CC2D1B: variants seen among roughly 807,000 people sequenced by gnomAD.
CC2D1B encodes coiled-coil and C2 domain-containing protein 1B.
Under a neutral mutation model 110.8 loss-of-function variants are expected in CC2D1B, and 92 were observed. That is an observed-to-expected ratio of 0.83 (90% CI 0.70 to 0.99). The LOEUF is 0.99. Among genes scored for constraint, CC2D1B ranks in the 50% least tolerant of loss-of-function variants. CC2D1B has a pLI of 0.00. For synonymous variants in CC2D1B, 406 were observed against 429.2 expected (o/e 0.95, Z 0.67); for missense variants, 1,136 against 1,089.0 (o/e 1.04, Z -0.61).
chr1:52,366,188 G>C lies in CC2D1B; in HGVS notation c.-134C>G, dbSNP rs1277239808. 1 of 152,316 alleles carries C rather than the reference G, an allele frequency of 6.6e-6. No individual in the cohort carries two copies. Among genetic ancestry groups the C allele is most frequent in the Non-Finnish European group, 1.5e-5 (1 of 68,112 alleles). The allele number at this position is 152,316 out of a possible 1,614,324, so 9.4% of individuals were successfully genotyped here. A position where few individuals can be genotyped will look rare whatever the true frequency, so the allele number is the denominator to read the frequency against. The stretch of plus-strand genomic sequence containing the variant: ...CGCCAGCAGGGGAGGTGGCTCGCGC[G>C]CAACACGTGACCCCACTGGCCGGCG... On this transcript the variant is annotated 5_prime_UTR_variant, in exon 1 of 25. Coordinates refer to ENST00000284376, the MANE Select transcript of CC2D1B (RefSeq NM_001330585.2).
chr1:52,360,304 G>A, intron 6 of CC2D1B, 71 bp from the exon 7 acceptor site: 4 of 1,600,470 alleles, frequency 2.5e-6, no homozygotes, highest in Non-Finnish European at 3.4e-6. Context: ...GACAGGCCAG[G>A]GGTGGCCCCC....
intron 5 of CC2D1B, 30 bp from the exon 6 acceptor site, chr1:52,360,579 A>G: frequency 3.7e-6 from 6 of 1,605,516 alleles, no homozygotes; most frequent in Non-Finnish European, 4.3e-6. Flanking sequence ...GGGCCTGGCC[A>G]CTCCAGGGCC....
chr1:52,356,970 G>C (rs1646666057), intron 16 of CC2D1B, 31 bp downstream of exon 16: 1 of 1,543,776 alleles, frequency 6.5e-7, no homozygotes, highest in Non-Finnish European at 8.7e-7. Flanking sequence ...TGTGGGCACA[G>C]AGGGGAGGAA....
chr1:52,355,952 G>A (rs1646642416), intron 18 of CC2D1B, 108 bp from the exon 19 acceptor site: 2 of 1,154,576 alleles, frequency 1.7e-6, no homozygotes, highest in African/African-American at 3.0e-5. Context: ...CGGGAGGGAA[G>A]GCAGAGCTGG....
At position 52,361,138 on chromosome 1, in the gene CC2D1B, G is replaced by A; in HGVS notation, c.319-6C>T. The A allele has an allele frequency of 6.2e-7, 1 of 1,613,970 alleles. No homozygotes were observed. Among genetic ancestry groups the A allele is most frequent in the East Asian group, 2.2e-5 (1 of 44,866 alleles). ...AAGACCTCCTGCAGCTCCGTCTAGG[G>A]AGACAAAACACAGCCCAGGAGCTTG... On this transcript the variant is annotated splice_region_variant and splice_polypyrimidine_tract_variant and intron_variant, in intron 4 of 24. Transcript: ENST00000284376.
intron 3 of CC2D1B, among the ~76,000 whole-genome samples, chr1:52,362,292 C>G (rs1646797406): frequency 6.6e-6 from 1 of 152,232 alleles, no homozygotes; most frequent in African/African-American, 2.4e-5. Flanking sequence ...TTTCTATGTA[C>G]TTCCTATGTA....
At position 52,359,511 on chromosome 1, in the gene CC2D1B, G is replaced by A. The variant is rs1280891072; in HGVS notation, c.966C>T (p.Ala322=). The A allele has an allele frequency of 1.4e-5, 23 of 1,613,932 alleles. No individual in the cohort carries two copies. Among genetic ancestry groups the A allele is most frequent in the East Asian group, 6.7e-5 (3 of 44,902 alleles). Residue 322 remains alanine, a synonymous_variant, in exon 9 of 25, where the codon GCC becomes GCT. Coordinates refer to ENST00000284376, the MANE Select transcript of CC2D1B (RefSeq NM_001330585.2). ...GATCCACGGGCTGCCCCTTCTCCAG[G>A]GCCTCCAGGACAGCACCGAATCTCT... ...IGKRFGAVLE[A]LEKGQPVDLS...
In CC2D1B at chr1:52,355,482, G is replaced by A. The variant is rs182473142; in HGVS notation, c.2188-33C>T. ...GTGAGGAGGGAGAAGTCAGGACAGCGTATAAACAAAGAGGCACACAGGGCA... is the reference window on the plus strand; with the variant it reads ...GTGAGGAGGGAGAAGTCAGGACAGCATATAAACAAAGAGGCACACAGGGCA... On this transcript the variant is annotated intron_variant, in intron 20 of 24. Transcript: ENST00000284376. 141 of 1,613,384 alleles carry A rather than the reference G, an allele frequency of 8.7e-5. No individual in the cohort carries two copies. The East Asian group carries it at 1.2e-3, about 13-fold the overall frequency.
chr1:52,356,943 T>C, intron 16 of CC2D1B, 58 bp downstream of exon 16: 1 of 1,514,128 alleles, frequency 6.6e-7, no homozygotes, highest in Non-Finnish European at 8.9e-7. Context: ...GCTCCAGGTC[T>C]TCCTCCACGG....
At chr1:52,361,739 T>C in intron 3 of CC2D1B, 123 bp from the exon 4 acceptor site, 1 of 1,203,928 alleles carries the variant, frequency 8.3e-7, no homozygotes, top group Non-Finnish European at 1.2e-6. Context: ...GAGTCCCACC[T>C]GGAAAACTGC....
intron 7 of CC2D1B, 85 bp from the exon 8 acceptor site, chr1:52,359,968 T>TG (rs1483591990): frequency 8.4e-6 from 13 of 1,550,808 alleles, no homozygotes; most frequent in African/African-American, 1.4e-5. Context: ...GAGGATGTCC[T>TG]GGGGAGGATG....
intron 3 of CC2D1B, 146 bp downstream of exon 3, chr1:52,362,456 G>T: frequency 1.0e-6 from 1 of 968,248 alleles, no homozygotes; most frequent in Non-Finnish European, 1.6e-6. Flanking sequence ...GCAGGGCGAG[G>T]CCGCCTCTTG....
chr1:52,353,330 T>C (rs1394052998), intron 24 of CC2D1B, 107 bp from the exon 25 acceptor site: 3 of 1,479,770 alleles, frequency 2.0e-6, no homozygotes, highest in Non-Finnish European at 2.7e-6. Context: ...TAGTTAAACC[T>C]TGGAAGGTTA....
In CC2D1B at chr1:52,357,808, T is replaced by C. The variant is rs1401597251; in HGVS notation, c.1552A>G (p.Ser518Gly). ...SQRLPEPRAS[S>G]SKESPSPSVR... Reference sequence around the variant, plus strand: ...GATGGACTCGGTGACTCCTTAGAACTTGAGGCCCTGGGCTCAGGCAGGCGC... The same window carrying C: ...GATGGACTCGGTGACTCCTTAGAACCTGAGGCCCTGGGCTCAGGCAGGCGC... Residue 518 changes from serine (S) to glycine (G), a missense_variant, in exon 14 of 25, where the codon AGT becomes GGT. Ser to Gly is a moderately conservative substitution (Grantham distance 56). Transcript: ENST00000284376. 3.1e-6 allele frequency: 5 copies of C among 1,591,222 alleles called. No individual in the cohort carries two copies. The highest frequency in any genetic ancestry group is 4.3e-6 in the Non-Finnish European group (5 of 1,169,284).
In CC2D1B at chr1:52,359,266, G is replaced by A. The variant is rs776847006; in HGVS notation, c.1110C>T (p.Asp370=). 23 of 1,612,666 alleles carry A rather than the reference G, an allele frequency of 1.4e-5. No individual in the cohort carries two copies. The highest frequency in any genetic ancestry group is 2.2e-5 in the East Asian group (1 of 44,838). ...CTGCCCTACCTGGGGTTGCTGGGAC[G>A]TCAGGGGCCATCACTGGCTGCACTC... The part of the protein sequence containing the change: ...VERVQPVMAP[D]VPATPVAPTE... The change falls in exon 10 of 25, where the codon GAC becomes GAT. Residue 370 remains aspartate (D), a synonymous_variant. Transcript: ENST00000284376.
chr1:52,363,313 T>G (rs1646821599), intron 2 of CC2D1B, among the ~76,000 whole-genome samples: 1 of 148,528 alleles, frequency 6.7e-6, no homozygotes, highest in Admixed American at 6.9e-5. Context: ...GAGAATGGCG[T>G]GAACCCGGGA....
In CC2D1B at chr1:52,359,553, C is replaced by T. The variant is rs1646732984; in HGVS notation, c.943-19G>A. ...CGAATCTCTGCAGAAGTTGGAAAAG[C>T]AGGTGTGGGTGAAAGACAGGGGACC... is the stretch of plus-strand genomic sequence containing the variant. On this transcript the variant is annotated intron_variant, in intron 8 of 24. Transcript: ENST00000284376. 2 of 1,612,264 alleles carry T rather than the reference C, an allele frequency of 1.2e-6. No homozygotes were observed. Among genetic ancestry groups the T allele is most frequent in the African/African-American group, 1.3e-5 (1 of 75,042 alleles).
At chr1:52,358,487 G>A (rs376639477) in intron 12 of CC2D1B, 26 bp from the exon 13 acceptor site, 2 of 1,612,590 alleles carry the variant, frequency 1.2e-6, no homozygotes, top group Non-Finnish European at 1.7e-6. Flanking sequence ...AGCATGGGAG[G>A]GGCAGGGAGC....
In CC2D1B at chr1:52,358,395, A is replaced by G; in HGVS notation, c.1397T>C (p.Leu466Ser). The stretch of plus-strand genomic sequence containing the variant: ...AGAGGCCAGTTTCTCTGCAGCTGCC[A>G]ATGTCGCTGCCACTGCGTCCTCCTC... ...GVEEDAVAAT[L>S]AAAEKLASAE... The change falls in exon 13 of 25, where the codon TTG (leucine) becomes TCG (serine). Residue 466 changes from leucine to serine, a missense_variant. Physicochemically the swap from Leu to Ser is moderately radical, Grantham distance 145. Transcript: ENST00000284376. 1 of 1,614,100 alleles carries G rather than the reference A, an allele frequency of 6.2e-7. No individual in the cohort carries two copies. The highest frequency in any genetic ancestry group is 8.5e-7 in the Non-Finnish European group (1 of 1,180,022).
Sources: gnomAD v4.1 joint callset for allele counts (sites outside exome capture counted in the v4.1 genomes callset) on GRCh38, gnomAD v4.1.1 for gene constraint, MANE v1.5 for transcripts, NCBI Gene and HGNC (gene_info 2026-07-23, HGNC 2026-07-21) for gene names.